PLEKHG4B: variants seen among roughly 807,000 people sequenced by gnomAD.
PLEKHG4B encodes the protein pleckstrin homology and RhoGEF domain containing G4B, also known as pleckstrin homology domain-containing family G member 4B.
Under a neutral mutation model 121.3 loss-of-function variants are expected in PLEKHG4B, and 111 were observed. The ratio of observed to expected loss-of-function variants is 0.92; its 90% CI spans 0.78 to 1.07. PLEKHG4B has a LOEUF of 1.07. Ranked by LOEUF, PLEKHG4B falls within the 50% of genes least tolerant of loss-of-function variation. The pLI is 0.00. For synonymous variants in PLEKHG4B, 738 were observed against 725.0 expected, an observed-to-expected ratio of 1.02 and a Z score of -0.29; for missense variants, 1,831 against 1,757.8, an observed-to-expected ratio of 1.04 and a Z score of -0.74.
chr5:129,605 T>C (rs1298376401), intron 2 of PLEKHG4B, among the ~76,000 whole-genome samples: 2 of 152,184 alleles, frequency 1.3e-5, no homozygotes, highest in Non-Finnish European at 2.9e-5. Flanking sequence ...TCACTTACAT[T>C]TTGCTCAGAG....
chr5:139,910 C>T lies in PLEKHG4B; in HGVS notation c.671C>T (p.Pro224Leu). The T allele has an allele frequency of 2.5e-6, 1 of 404,108 alleles. No individual in the cohort carries two copies. Among genetic ancestry groups the T allele is most frequent in the Non-Finnish European group, 4.4e-6 (1 of 229,338 alleles). 25.0% of individuals were successfully genotyped at this position (404,108 alleles called of 1,614,324 possible). The change falls in exon 3 of 20, where the codon CCC (proline) becomes CTC (leucine). Residue 224 changes from proline (P) to leucine (L), a missense_variant. Physicochemically the swap from Pro to Leu is moderately conservative, Grantham distance 98. Coordinates refer to ENST00000637938, the MANE Select transcript of PLEKHG4B (RefSeq NM_052909.5). The surrounding 1 kb of genome is among the most constrained non-coding windows in gnomAD (Gnocchi z 5.0). ...GGTCCTGAGCGGCTGCCCAGCAGCC[C>T]CTCAGAGGCCCCAGTCCCCACCCAA... is the stretch of plus-strand genomic sequence containing the variant. ...CTGPERLPSS[P>L]SEAPVPTQAT... is the part of the protein sequence containing the mutation.
At chr5:92,971 TTTC>T (rs1481130646) in intron 1 of PLEKHG4B, among the ~76,000 whole-genome samples, 2 of 152,094 alleles carry the variant, frequency 1.3e-5, no homozygotes, top group African/African-American at 4.8e-5. Flanking sequence ...TTTTCAGGTT[TTTC>T]ATGTGAGTTG....
At chr5:103,505 C>G (rs1036903149) in intron 1 of PLEKHG4B, among the ~76,000 whole-genome samples, 1 of 152,150 alleles carries the variant, frequency 6.6e-6, no homozygotes, top group African/African-American at 2.4e-5. Context: ...ATTGCCCCAC[C>G]CTCGACTCTG....
chr5:180,014 G>A (rs1560958083), intron 18 of PLEKHG4B, among the ~76,000 whole-genome samples: 1 of 152,070 alleles, frequency 6.6e-6, no homozygotes, highest in Non-Finnish European at 1.5e-5. Context: ...TACCTCCACG[G>A]CCTGTCTGAG....
rs1229291251 is a variant in PLEKHG4B, at chr5:157,414, C to A, written c.2487+503C>A. Among the ~76,000 whole-genome samples the A allele has an allele frequency of 6.6e-6, 1 of 152,004 alleles. No individual in the cohort carries two copies. Among genetic ancestry groups the A allele is most frequent in the South Asian group, 2.1e-4 (1 of 4,812 alleles). On this transcript the variant is annotated intron_variant, in intron 11 of 19. Coordinates refer to ENST00000637938, the MANE Select transcript of PLEKHG4B (RefSeq NM_052909.5). The surrounding 1 kb of genome is among the most constrained non-coding windows in gnomAD (Gnocchi z 4.6). Reference sequence around the variant, plus strand: ...AGGACAAATCGGGAGGGGGTGATGACGGAAGTGGCTTTTCATGAATTCTCT... The same window carrying A: ...AGGACAAATCGGGAGGGGGTGATGAAGGAAGTGGCTTTTCATGAATTCTCT...
Position 128,449 on chromosome 5 carries a change from A to G in PLEKHG4B, c.244-11034A>G, listed in dbSNP as rs534978526. Among the ~76,000 whole-genome samples, 4 of 152,336 alleles carry G rather than the reference A, an allele frequency of 2.6e-5. No individual in the cohort carries two copies. The South Asian group carries it at 8.3e-4, about 32-fold the overall frequency. ...TAGGCATTTAGGCAAGATTAAAAAA[A>G]TCAGAGCTTAGTCCTCAGCACTGAT... On this transcript the variant is annotated intron_variant, in intron 2 of 19. Coordinates refer to ENST00000637938, the MANE Select transcript of PLEKHG4B (RefSeq NM_052909.5).
intron 2 of PLEKHG4B, among the ~76,000 whole-genome samples, chr5:121,225 T>A (rs1734458920): frequency 6.7e-6 from 1 of 150,336 alleles, no homozygotes; most frequent in Non-Finnish European, 1.5e-5. Flanking sequence ...CCAGCCTGGG[T>A]GACAGAGTGA....
intron 1 of PLEKHG4B, among the ~76,000 whole-genome samples, chr5:112,768 C>T (rs766847787): frequency 6.6e-6 from 1 of 152,168 alleles, no homozygotes. Flanking sequence ...AACAAAGTGG[C>T]GCGTGGGCCA....
At position 169,362 on chromosome 5, in the gene PLEKHG4B, G is replaced by T; in HGVS notation, c.3499G>T (p.Ala1167Ser). Residue 1167 changes from alanine to serine, a missense_variant, in exon 14 of 20, where the codon GCC becomes TCC. Coordinates refer to ENST00000637938, the MANE Select transcript of PLEKHG4B (RefSeq NM_052909.5). ...VGSSRLRHIM[A>S]EMIATEREYI... The stretch of plus-strand genomic sequence containing the variant: ...CAGCAGCCGACTGAGGCACATCATG[G>T]CCGAGATGATCGCCACAGAGAGGGA... 2 of 1,614,108 alleles carry T rather than the reference G, an allele frequency of 1.2e-6. No individual in the cohort carries two copies. The highest frequency in any genetic ancestry group is 1.7e-6 in the Non-Finnish European group (2 of 1,180,042).
intron 5 of PLEKHG4B, among the ~76,000 whole-genome samples, chr5:143,930 A>G (rs1244255176): frequency 6.6e-6 from 1 of 150,556 alleles, no homozygotes; most frequent in African/African-American, 2.5e-5. Context: ...AAGTTTCTCA[A>G]AGAACAAACA....
At chr5:141,886 C>T (rs1375756337) in intron 3 of PLEKHG4B, among the ~76,000 whole-genome samples, 2 of 152,128 alleles carry the variant, frequency 1.3e-5, no homozygotes, top group Non-Finnish European at 2.9e-5. Context: ...CCCCGCGGTG[C>T]CTGGAGACAG....
intron 1 of PLEKHG4B, among the ~76,000 whole-genome samples, chr5:105,354 T>TA (rs1315592459): frequency 1.3e-5 from 2 of 152,268 alleles, no homozygotes; most frequent in African/African-American, 4.8e-5. Flanking sequence ...TAGCTCCACT[T>TA]ACCACTTTTG....
rs567381615 is a variant in PLEKHG4B, at chr5:137,226, A to G, written c.244-2257A>G. ...AGTAGTCAAACTCGTCAAGACAGGA[A>G]GTGGAATGGTGGGTGCCAGGGGCTC... is the stretch of plus-strand genomic sequence containing the variant. On this transcript the variant is annotated intron_variant, in intron 2 of 19. Transcript: ENST00000637938. This position sits in a 1 kb window ranked among gnomAD's most constrained non-coding sequence, Gnocchi z 4.2. Among the ~76,000 whole-genome samples, 3 of 152,310 alleles carry G rather than the reference A, an allele frequency of 2.0e-5. No individual in the cohort carries two copies. Among genetic ancestry groups the G allele is most frequent in the East Asian group, 3.9e-4 (2 of 5,182 alleles).
intron 6 of PLEKHG4B, among the ~76,000 whole-genome samples, chr5:150,054 T>C (rs764028698): frequency 6.6e-6 from 1 of 152,224 alleles, no homozygotes; most frequent in African/African-American, 2.4e-5. Context: ...TTTCAGAGAT[T>C]TATACAGCTG....
intron 5 of PLEKHG4B, 142 bp downstream of exon 5, chr5:143,645 A>G: frequency 9.7e-7 from 1 of 1,031,362 alleles, no homozygotes; most frequent in Admixed American, 2.5e-5. Flanking sequence ...AGCAGTCAGC[A>G]CCCATGTGCT....
At chr5:98,569 G>A (rs2126329940) in intron 1 of PLEKHG4B, among the ~76,000 whole-genome samples, 1 of 148,210 alleles carries the variant, frequency 6.7e-6, no homozygotes, top group East Asian at 2.0e-4. Flanking sequence ...CAAGTAGCTG[G>A]GACTACAGGC....
At position 156,312 on chromosome 5, in the gene PLEKHG4B, C is replaced by T; in HGVS notation, c.2348+102C>T. 1 of 1,205,684 alleles carries T rather than the reference C, an allele frequency of 8.3e-7. No individual in the cohort carries two copies. Among genetic ancestry groups the T allele is most frequent in the Non-Finnish European group, 1.1e-6 (1 of 939,316 alleles). 74.7% of individuals were successfully genotyped at this position (1,205,684 alleles called of 1,614,324 possible). On this transcript the variant is annotated intron_variant, in intron 10 of 19. Transcript: ENST00000637938. The surrounding 1 kb of genome is among the most constrained non-coding windows in gnomAD (Gnocchi z 4.4). ...AGCGCTCTGCTCCAAGGAGAGCCCC[C>T]TCTGTGCTTGGTCCAGACCTCCATT...
At chr5:108,982 C>T (rs1043553376) in intron 1 of PLEKHG4B, among the ~76,000 whole-genome samples, 2 of 152,182 alleles carry the variant, frequency 1.3e-5, no homozygotes, top group Non-Finnish European at 2.9e-5. Context: ...CAGCCCAGAG[C>T]GAGCCTCCTG....
rs895908311 is a variant in PLEKHG4B at position 140,226 on chromosome 5, C to T, written c.987C>T (p.Asp329=). The T allele has an allele frequency of 4.3e-6, 6 of 1,400,838 alleles. No homozygotes were observed. The African/African-American group carries it at 7.3e-5, about 17-fold the overall frequency. 86.8% of individuals were successfully genotyped at this position (1,400,838 alleles called of 1,614,324 possible). A position where few individuals can be genotyped will look rare whatever the true frequency, so the allele number is the denominator to read the frequency against. ...CCAAGGCCCTCACCTTCCACACAGACCTGGGCATCCCGAGCAGCAGGAGGC... is the reference window on the plus strand; with the variant it reads ...CCAAGGCCCTCACCTTCCACACAGATCTGGGCATCCCGAGCAGCAGGAGGC... The part of the protein sequence containing the change: ...DRPKALTFHT[D]LGIPSSRRRP... Residue 329 remains aspartate (D), a synonymous_variant, in exon 3 of 20, where the codon GAC becomes GAT. Coordinates refer to ENST00000637938, the MANE Select transcript of PLEKHG4B (RefSeq NM_052909.5).
Sources: allele counts gnomAD v4.1 joint callset (sites outside exome capture counted in the v4.1 genomes callset), GRCh38; gene constraint gnomAD v4.1.1; non-coding constraint Gnocchi (gnomAD v3.1); transcripts MANE v1.5; gene names NCBI Gene and HGNC (gene_info 2026-07-23, HGNC 2026-07-21).